Variants in SH2D2A observed in about 807,000 individuals in gnomAD.
SH2D2A encodes the protein SH2 domain containing 2A.
SH2D2A carries 33 observed loss-of-function variants against 43.6 expected under a neutral mutation model. The ratio of observed to expected loss-of-function variants is 0.76; its 90% CI spans 0.57 to 1.01. SH2D2A has a LOEUF of 1.01. Among genes scored for constraint, SH2D2A ranks in the 50% least tolerant of loss-of-function variants. The pLI, the probability that SH2D2A is intolerant of heterozygous loss-of-function variation, is 0.00. For synonymous variants in SH2D2A, 212 were observed against 206.1 expected (o/e 1.03, Z -0.25); for missense variants, 491 against 503.1 (o/e 0.98, Z 0.23).
At chr1:156,811,866 G>A (rs1354627196) in intron 5 of SH2D2A, among the ~76,000 whole-genome samples, 5 of 152,152 alleles carry the variant, frequency 3.3e-5, no homozygotes, top group Admixed American at 2.6e-4. Context: ...TGACTTCCGA[G>A]TGAGATTTCT....
rs781385955 is a variant in SH2D2A at position 156,816,007 on chromosome 1, G to T, written c.122C>A (p.Ala41Glu). Residue 41 changes from alanine to glutamate, a missense_variant and splice_region_variant, in exon 2 of 9, where the codon GCG becomes GAG. Ala to Glu is a moderately radical substitution (Grantham distance 107). Coordinates refer to ENST00000368199, the MANE Select transcript of SH2D2A (RefSeq NM_003975.4). Reference sequence around the variant, plus strand: ...CTGCCGCCCCAGGTTTCCACTCACCGCAGTGTAGCCCAGGTTCTGGCAGCT... The same window carrying T: ...CTGCCGCCCCAGGTTTCCACTCACCTCAGTGTAGCCCAGGTTCTGGCAGCT... ...RRSCQNLGYT[A>E]ASPQAPEAAS... 4 of 1,613,638 alleles carry T rather than the reference G, an allele frequency of 2.5e-6. No individual in the cohort carries two copies. The highest frequency in any genetic ancestry group is 1.1e-5 in the South Asian group (1 of 90,972).
chr1:156,816,689 T>C lies in SH2D2A; in HGVS notation c.20A>G (p.Gln7Arg). The change falls in exon 1 of 9, where the codon CAG (glutamine) becomes CGG (arginine). Residue 7 changes from glutamine (Q) to arginine (R), a missense_variant. By Grantham distance (43) the Gln-to-Arg change is conservative. Coordinates refer to ENST00000368199, the MANE Select transcript of SH2D2A (RefSeq NM_003975.4). MEFPLA[Q>R]ICPQGSHEAP... ...TTCACACTTACCTTGGGGACATATC[T>C]GGGCCAGGGGGAACTCCATGAGGGC... 1.2e-6 allele frequency: 2 copies of C among 1,601,298 alleles called. No individual in the cohort carries two copies. The highest frequency in any genetic ancestry group is 2.3e-5 in the East Asian group (1 of 43,528).
intron 8 of SH2D2A, among the ~76,000 whole-genome samples, chr1:156,806,872 A>T (rs770929176): frequency 7.2e-5 from 11 of 152,190 alleles, no homozygotes; most frequent in Non-Finnish European, 1.2e-4. Context: ...AATGCTGCTC[A>T]TCCTCCCGCT....
intron 7 of SH2D2A, among the ~76,000 whole-genome samples, chr1:156,808,422 G>C (rs1653133766): frequency 6.6e-6 from 1 of 152,164 alleles, no homozygotes; most frequent in African/African-American, 2.4e-5. Flanking sequence ...AAAAAGTTTG[G>C]ACGGAGATAT....
chr1:156,811,811 C>A (rs1426910599), intron 5 of SH2D2A, among the ~76,000 whole-genome samples: 2 of 152,166 alleles, frequency 1.3e-5, no homozygotes, highest in African/African-American at 4.8e-5. Context: ...TTTCTGCAAA[C>A]TCTAAATGCT....
chr1:156,816,219 G>A lies in SH2D2A; in HGVS notation c.35-125C>T, dbSNP rs1452468767. On this transcript the variant is annotated intron_variant, in intron 1 of 8. Coordinates refer to ENST00000368199, the MANE Select transcript of SH2D2A (RefSeq NM_003975.4). ...GGACAGTCTTAACGACAGGAAAAAC[G>A]CAGAAGGGCAGCAGGGGAGTTTCTC... 6.5e-5 allele frequency: 93 copies of A among 1,423,218 alleles called. No homozygotes were observed. In the East Asian group the frequency reaches 1.9e-3, roughly 29 times the overall value. 88.2% of individuals were successfully genotyped at this position (1,423,218 alleles called of 1,614,324 possible).
intron 2 of SH2D2A, 191 bp from the exon 3 acceptor site, chr1:156,815,412 A>G (rs1653803008): frequency 3.5e-6 from 2 of 576,662 alleles, no homozygotes; most frequent in East Asian, 5.7e-5. Context: ...TCTGGCTTCC[A>G]GAGACTCTCC....
At position 156,813,901 on chromosome 1, in the gene SH2D2A, C is replaced by T. The variant is rs1653614404; in HGVS notation, c.514G>A (p.Ala172Thr). ...RLQDLLLHYTAHPLSPYGETL... is the reference protein window; with the variant it reads ...RLQDLLLHYTTHPLSPYGETL... The stretch of plus-strand genomic sequence containing the variant: ...TCCCCGTAGGGGCTGAGCGGGTGCG[C>T]GGTGTAGTGCAGCAGCAGGTCCTGC... The change falls in exon 5 of 9, where the codon GCG (alanine) becomes ACG (threonine). Residue 172 changes from alanine to threonine, a missense_variant. Coordinates refer to ENST00000368199, the MANE Select transcript of SH2D2A (RefSeq NM_003975.4). The T allele has an allele frequency of 1.3e-6, 2 of 1,543,388 alleles. No homozygotes were observed. Among genetic ancestry groups the T allele is most frequent in the East Asian group, 2.4e-5 (1 of 42,362 alleles).
At chr1:156,810,100 G>A (rs1362982477) in intron 5 of SH2D2A, among the ~76,000 whole-genome samples, 1 of 152,204 alleles carries the variant, frequency 6.6e-6, no homozygotes, top group Non-Finnish European at 1.5e-5. Context: ...TGGTGGTGCA[G>A]TCTCAGCTCA....
chr1:156,807,130 T>C lies in SH2D2A; in HGVS notation c.*3+45A>G. 1 of 1,562,854 alleles carries C rather than the reference T, an allele frequency of 6.4e-7. No homozygotes were observed. Among genetic ancestry groups the C allele is most frequent in the Non-Finnish European group, 8.8e-7 (1 of 1,136,122 alleles). Reference sequence around the variant, plus strand: ...AGTGTGCCAGGTGTGTGTGAAGGTCTCTGGACCTGATGCTCCAAGTTATCC... The same window carrying C: ...AGTGTGCCAGGTGTGTGTGAAGGTCCCTGGACCTGATGCTCCAAGTTATCC... On this transcript the variant is annotated intron_variant, in intron 8 of 8. Transcript: ENST00000368199. This position sits in a 1 kb window ranked among gnomAD's most constrained non-coding sequence, Gnocchi z 5.1.
chr1:156,809,439 G>A lies in SH2D2A; in HGVS notation c.766C>T (p.Pro256Ser). 1 of 1,612,534 alleles carries A rather than the reference G, an allele frequency of 6.2e-7. No homozygotes were observed. The highest frequency in any genetic ancestry group is 8.5e-7 in the Non-Finnish European group (1 of 1,179,538). ...KPPIPAKPQL[P>S]PEVYTIPVPR... is the part of the protein sequence containing the mutation. Reference sequence around the variant, plus strand: ...ACAGGGATTGTGTAGACTTCTGGGGGCAGCTGAGGTTTGGCGGGGATGGGA... The same window carrying A: ...ACAGGGATTGTGTAGACTTCTGGGGACAGCTGAGGTTTGGCGGGGATGGGA... The change falls in exon 7 of 9, where the codon CCC (proline) becomes TCC (serine). Residue 256 changes from proline to serine, a missense_variant. Pro to Ser is a moderately conservative substitution (Grantham distance 74, BLOSUM62 -1). Transcript: ENST00000368199. This position sits in a 1 kb window ranked among gnomAD's most constrained non-coding sequence, Gnocchi z 4.8.
At chr1:156,815,974 G>T in intron 2 of SH2D2A, 32 bp downstream of exon 2, 1 of 1,610,290 alleles carries the variant, frequency 6.2e-7, no homozygotes, top group Non-Finnish European at 8.5e-7. Flanking sequence ...TGAGGGAGCT[G>T]CACCACGCTG....
In SH2D2A at chr1:156,809,143, TC is replaced by T. The variant is rs1032660916; in HGVS notation, c.1002+59del. On this transcript the variant is annotated intron_variant, in intron 7 of 8. Transcript: ENST00000368199. The surrounding 1 kb of genome is among the most constrained non-coding windows in gnomAD (Gnocchi z 4.8). ...TCCACTCTGAACACCTTCTTCACCTTCCCCCATCTACCTGCAGGGAGACCTT... is the reference window on the plus strand; with the variant it reads ...TCCACTCTGAACACCTTCTTCACCTTCCCCATCTACCTGCAGGGAGACCTT... 3.3e-6 allele frequency: 5 copies of T among 1,523,280 alleles called. No individual in the cohort carries two copies. Among genetic ancestry groups the T allele is most frequent in the Non-Finnish European group, 4.4e-6 (5 of 1,123,626 alleles). The allele number at this position is 1,523,280 out of a possible 1,614,324, so 94.4% of individuals were successfully genotyped here.
rs1222591922 is a variant in SH2D2A, at chr1:156,815,023, C to T, written c.308+14G>A. 2.7e-6 allele frequency: 4 copies of T among 1,486,166 alleles called. No homozygotes were observed. In the African/African-American group the frequency reaches 4.3e-5, roughly 16 times the overall value. 92.1% of individuals were successfully genotyped at this position (1,486,166 alleles called of 1,614,324 possible). ...CTGCCCCTGTCTGGGCCAATTTCCT[C>T]CTCCATGACTCACCTCCGGGTGATG... is the stretch of plus-strand genomic sequence containing the variant. On this transcript the variant is annotated intron_variant, in intron 3 of 8. Coordinates refer to ENST00000368199, the MANE Select transcript of SH2D2A (RefSeq NM_003975.4).
In SH2D2A at chr1:156,809,376, T is replaced by G; in HGVS notation, c.829A>C (p.Asn277His). 6.2e-7 allele frequency: 1 copy of G among 1,613,964 alleles called. No individual in the cohort carries two copies. The highest frequency in any genetic ancestry group is 8.5e-7 in the Non-Finnish European group (1 of 1,179,980). ...HRPAPRPKPSNPIYNEPDEPI... is the reference protein window; with the variant it reads ...HRPAPRPKPSHPIYNEPDEPI... ...TCATCAGGCTCATTGTAGATAGGATTGGAGGGCTTGGGGCGTGGGGCCGGG... is the reference window on the plus strand; with the variant it reads ...TCATCAGGCTCATTGTAGATAGGATGGGAGGGCTTGGGGCGTGGGGCCGGG... The change falls in exon 7 of 9, where the codon AAT (asparagine) becomes CAT (histidine). Residue 277 changes from asparagine (N) to histidine (H), a missense_variant. Coordinates refer to ENST00000368199, the MANE Select transcript of SH2D2A (RefSeq NM_003975.4). The surrounding 1 kb of genome is among the most constrained non-coding windows in gnomAD (Gnocchi z 4.8).
At position 156,816,685 on chromosome 1, in the gene SH2D2A, T is replaced by G. The variant is rs1259176331; in HGVS notation, c.24A>C (p.Ile8=). ...CAACTTCACACTTACCTTGGGGACA[T>G]ATCTGGGCCAGGGGGAACTCCATGA... The part of the protein sequence containing the change: MEFPLAQ[I]CPQGSHEAPI... The change falls in exon 1 of 9, where the codon ATA becomes ATC. Residue 8 remains isoleucine, a synonymous_variant. Transcript: ENST00000368199. 6.2e-7 allele frequency: 1 copy of G among 1,601,534 alleles called. No homozygotes were observed. Among genetic ancestry groups the G allele is most frequent in the Non-Finnish European group, 8.5e-7 (1 of 1,173,500 alleles).
At chr1:156,816,562 G>A in intron 1 of SH2D2A, 113 bp downstream of exon 1, 1 of 1,027,006 alleles carries the variant, frequency 9.7e-7, no homozygotes, top group East Asian at 2.6e-5. Context: ...GCCAGCTCTG[G>A]CTTAGGGTGG....
intron 1 of SH2D2A, 52 bp downstream of exon 1, chr1:156,816,623 G>A: frequency 6.3e-7 from 1 of 1,575,648 alleles, no homozygotes; most frequent in Non-Finnish European, 8.7e-7. Flanking sequence ...AGGGCAGGGG[G>A]ATGGGGGTCT....
rs558599646 is a variant in SH2D2A at position 156,815,571 on chromosome 1, A to C, written c.124-350T>G. The C allele has an allele frequency of 3.3e-4, 202 of 612,544 alleles. No individual in the cohort carries two copies. The East Asian group carries it at 5.3e-3, about 16-fold the overall frequency. 37.9% of individuals were successfully genotyped at this position (612,544 alleles called of 1,614,324 possible). ...GAGGATGAAGAAACATGATGCAGGA[A>C]GTCACCCTAGAGGCCAGAATGAGGG... is the stretch of plus-strand genomic sequence containing the variant. On this transcript the variant is annotated intron_variant, in intron 2 of 8. Coordinates refer to ENST00000368199, the MANE Select transcript of SH2D2A (RefSeq NM_003975.4).
Sources: gnomAD v4.1 joint callset for allele counts (sites outside exome capture counted in the v4.1 genomes callset) on GRCh38, gnomAD v4.1.1 for gene constraint, Gnocchi (gnomAD v3.1) non-coding constraint, MANE v1.5 for transcripts, NCBI Gene and HGNC (gene_info 2026-07-23, HGNC 2026-07-21) for gene names.